CHCHD6: variants seen among roughly 807,000 people sequenced by gnomAD.
CHCHD6 encodes the protein MICOS complex subunit MIC25.
Under a neutral mutation model 32.3 loss-of-function variants are expected in CHCHD6, and 28 were observed. The ratio of observed to expected loss-of-function variants is 0.87; its 90% CI spans 0.64 to 1.19. The LOEUF is 1.19. Ranked by LOEUF, CHCHD6 falls within the 50% of genes most tolerant of loss-of-function variation. CHCHD6 has a pLI of 0.00. For synonymous variants in CHCHD6, 122 were observed against 117.5 expected (o/e 1.04, Z -0.25); for missense variants, 333 against 307.0 (o/e 1.08, Z -0.63).
chr3:126,815,686 G>GCTC (rs201488175), intron 4 of CHCHD6, among the ~76,000 whole-genome samples: 2,635 of 142,970 alleles, frequency 0.018, 33 homozygotes, highest in Middle Eastern at 0.053. Context: ...GCTCCCTTGA[G>GCTC]CTCCTTCTAC....
At chr3:126,953,711 A>G (rs1277281768) in intron 6 of CHCHD6, among the ~76,000 whole-genome samples, 1 of 152,210 alleles carries the variant, frequency 6.6e-6, no homozygotes, top group Non-Finnish European at 1.5e-5. Flanking sequence ...CAGACACCCC[A>G]TACACCAATG....
intron 6 of CHCHD6, among the ~76,000 whole-genome samples, chr3:126,915,087 A>G (rs147013035): frequency 4.6e-4 from 70 of 152,324 alleles, no homozygotes; most frequent in Non-Finnish European, 9.3e-4. Context: ...GAAGGAGTTG[A>G]GGCAGGGGTT....
chr3:126,867,925 C>T (rs1215793893), intron 5 of CHCHD6, among the ~76,000 whole-genome samples: 1 of 152,252 alleles, frequency 6.6e-6, no homozygotes, highest in Non-Finnish European at 1.5e-5. Context: ...CAGTGGCTCT[C>T]ACTGCATTCA....
rs142861116 is a variant in CHCHD6 at position 126,781,952 on chromosome 3, C to G, written c.411+48730C>G. Among the ~76,000 whole-genome samples, 149 of 152,168 alleles carry G rather than the reference C, an allele frequency of 9.8e-4. 2 individuals carry two copies. In the East Asian group the frequency reaches 0.024, roughly 25 times the overall value. Reference sequence around the variant, plus strand: ...TGGAGGGTGGAGATTAGGGGAGGGTCTGGGAGTGTCACACGAGAAATGAGA... The same window carrying G: ...TGGAGGGTGGAGATTAGGGGAGGGTGTGGGAGTGTCACACGAGAAATGAGA... On this transcript the variant is annotated intron_variant, in intron 4 of 7. Coordinates refer to ENST00000290913, the MANE Select transcript of CHCHD6 (RefSeq NM_032343.3).
chr3:126,907,846 T>A (rs560831431), intron 5 of CHCHD6, among the ~76,000 whole-genome samples: 6 of 152,320 alleles, frequency 3.9e-5, no homozygotes, highest in Admixed American at 2.0e-4. Context: ...TGTGCTGGCA[T>A]CTGCGTGGCC....
At chr3:126,812,662 C>T (rs1297825048) in intron 4 of CHCHD6, among the ~76,000 whole-genome samples, 1 of 151,786 alleles carries the variant, frequency 6.6e-6, no homozygotes, top group African/African-American at 2.4e-5. Context: ...GAACTCCTGA[C>T]CTCAGGTAAT....
rs1315000782 is a variant in CHCHD6 at position 126,881,258 on chromosome 3, C to G, written c.495+28528C>G. Among the ~76,000 whole-genome samples the G allele has an allele frequency of 3.9e-5, 6 of 152,240 alleles. No individual in the cohort carries two copies. The South Asian group carries it at 1.2e-3, about 31-fold the overall frequency. On this transcript the variant is annotated intron_variant, in intron 5 of 7. Transcript: ENST00000290913. ...CAATGGGTAGAGCCTGTTTCCTTCC[C>G]TGTGGCCTTAGGCACTGAACTGCTC...
intron 4 of CHCHD6, among the ~76,000 whole-genome samples, chr3:126,787,935 C>T (rs1192551329): frequency 6.6e-6 from 1 of 152,100 alleles, no homozygotes; most frequent in Non-Finnish European, 1.5e-5. Flanking sequence ...CAGTTTTTGC[C>T]CATTCAGTAT....
intron 1 of CHCHD6, among the ~76,000 whole-genome samples, chr3:126,720,451 C>T (rs1294652797): frequency 2.0e-5 from 3 of 152,164 alleles, no homozygotes; most frequent in Non-Finnish European, 4.4e-5. Flanking sequence ...GCTGTCCAGT[C>T]GTGTGCTGGT....
chr3:126,815,647 C>T (rs551622859), intron 4 of CHCHD6, among the ~76,000 whole-genome samples: 40 of 145,092 alleles, frequency 2.8e-4, no homozygotes, highest in African/African-American at 9.2e-4. Flanking sequence ...GTTCTTGCCC[C>T]CCCCCCCCCA....
intron 5 of CHCHD6, among the ~76,000 whole-genome samples, chr3:126,892,281 G>A (rs997788450): frequency 2.0e-5 from 3 of 152,138 alleles, no homozygotes; most frequent in South Asian, 4.1e-4. Context: ...CAGTTAAGGC[G>A]CTGTGACTTA....
intron 4 of CHCHD6, among the ~76,000 whole-genome samples, chr3:126,738,362 G>A (rs1002493779): frequency 7.2e-5 from 11 of 152,122 alleles, no homozygotes; most frequent in Non-Finnish European, 1.5e-4. Context: ...CCAATACCCC[G>A]TGGCCGACTG....
intron 4 of CHCHD6, among the ~76,000 whole-genome samples, chr3:126,827,410 A>C (rs1236066069): frequency 6.6e-6 from 1 of 152,188 alleles, no homozygotes; most frequent in East Asian, 1.9e-4. Flanking sequence ...AGAAAGAATG[A>C]TTCAGGAGTG....
At chr3:126,853,272 A>T (rs1048996595) in intron 5 of CHCHD6, among the ~76,000 whole-genome samples, 3 of 148,006 alleles carry the variant, frequency 2.0e-5, no homozygotes, top group African/African-American at 7.6e-5. Context: ...AAAAAAAAAA[A>T]CCCCTACCAC....
At chr3:126,741,244 C>T (rs1041538421) in intron 4 of CHCHD6, among the ~76,000 whole-genome samples, 9 of 152,246 alleles carry the variant, frequency 5.9e-5, no homozygotes, top group East Asian at 1.9e-4. Flanking sequence ...CGGTGCTGTG[C>T]GCCGTTGGGA....
chr3:126,821,283 A>G lies in CHCHD6; in HGVS notation c.412-31364A>G, dbSNP rs551498164. On this transcript the variant is annotated intron_variant, in intron 4 of 7. Coordinates refer to ENST00000290913, the MANE Select transcript of CHCHD6 (RefSeq NM_032343.3). ...TTTAAAATGAGTTTTAGTTGGACAT[A>G]TATTTTTAATTCCCTTGCATGTTAA... Among the ~76,000 whole-genome samples the G allele has an allele frequency of 2.4e-3, 369 of 152,308 alleles. 5 individuals are homozygous for G. Among genetic ancestry groups the G allele is most frequent in the Non-Finnish European group, 4.5e-3 (304 of 68,022 alleles).
chr3:126,902,547 T>G (rs2077943967), intron 5 of CHCHD6, among the ~76,000 whole-genome samples: 2 of 151,890 alleles, frequency 1.3e-5, no homozygotes, highest in Non-Finnish European at 2.9e-5. Context: ...AAACCCTGTC[T>G]CTACTAAAAA....
chr3:126,707,321 A>G (rs1934537331), intron 1 of CHCHD6, among the ~76,000 whole-genome samples: 2 of 152,150 alleles, frequency 1.3e-5, no homozygotes, highest in Non-Finnish European at 2.9e-5. Context: ...CTTAGTTTGC[A>G]TAAATTCACA....
In CHCHD6 at chr3:126,704,293, C is replaced by T. The variant is rs200360858; in HGVS notation, c.-20C>T. 86 of 1,596,308 alleles carry T rather than the reference C, an allele frequency of 5.4e-5. No homozygotes were observed. In the African/African-American group the frequency reaches 9.0e-4, roughly 17 times the overall value. ...GCCGGGTCTCGGGTCTGGTGGCTGC[C>T]GGCCCTGCGGCATCTCGCCATGGGG... On this transcript the variant is annotated 5_prime_UTR_variant, in exon 1 of 8. Coordinates refer to ENST00000290913, the MANE Select transcript of CHCHD6 (RefSeq NM_032343.3).
Sources: allele counts gnomAD v4.1 joint callset (sites outside exome capture counted in the v4.1 genomes callset), GRCh38; gene constraint gnomAD v4.1.1; transcripts MANE v1.5; gene names NCBI Gene and HGNC (gene_info 2026-07-23, HGNC 2026-07-21).